Variants in SPOCK3 observed in about 807,000 individuals in gnomAD.
The protein encoded by SPOCK3 is testican-3.
In SPOCK3, 30 loss-of-function variants were observed where a neutral mutation model predicts 56.6. The ratio of observed to expected loss-of-function variants is 0.53; its 90% CI spans 0.40 to 0.72. SPOCK3 has a LOEUF of 0.72. Among genes scored for constraint, SPOCK3 ranks in the 30% least tolerant of loss-of-function variants. The pLI, the probability that SPOCK3 is intolerant of heterozygous loss-of-function variation, is 0.00. For synonymous variants in SPOCK3, 196 were observed against 183.3 expected (o/e 1.07, Z -0.56); for missense variants, 527 against 530.0 (o/e 0.99, Z 0.06).
At chr4:166,856,117 C>G (rs1020854025) in intron 6 of SPOCK3, among the ~76,000 whole-genome samples, 3 of 151,328 alleles carry the variant, frequency 2.0e-5, no homozygotes, top group African/African-American at 7.3e-5. Context: ...AAAAGCTGAA[C>G]TCACAGAAGT....
At chr4:167,234,883 T>C (rs1218541003), upstream of SPOCK3, 2 of 152,318 alleles carry the variant, frequency 1.3e-5, no homozygotes, top group African/African-American at 4.8e-5. Context: ...GTGTACTATC[T>C]CTCGCAGTTG....
At chr4:167,135,175 A>G (rs1246538265) in intron 2 of SPOCK3, among the ~76,000 whole-genome samples, 2 of 151,546 alleles carry the variant, frequency 1.3e-5, no homozygotes, top group African/African-American at 4.8e-5. Flanking sequence ...TGAACATAAT[A>G]TTATGTCTAG....
At chr4:166,865,011 G>A (rs1731654523) in intron 6 of SPOCK3, among the ~76,000 whole-genome samples, 2 of 152,136 alleles carry the variant, frequency 1.3e-5, no homozygotes, top group Admixed American at 1.3e-4. Flanking sequence ...TATCCCTGAT[G>A]AATATTGACG....
At chr4:166,899,024 G>A (rs1735714509) in intron 5 of SPOCK3, among the ~76,000 whole-genome samples, 1 of 151,890 alleles carries the variant, frequency 6.6e-6, no homozygotes, top group Non-Finnish European at 1.5e-5. Context: ...CTCTCTGCTT[G>A]AGACATCTAT....
Position 166,809,619 on chromosome 4 carries a change from C to A in SPOCK3, c.590-17330G>T, listed in dbSNP as rs181526369. Among the ~76,000 whole-genome samples, 464 of 152,122 alleles carry A rather than the reference C, an allele frequency of 3.1e-3. 3 individuals are homozygous for A. Among genetic ancestry groups the A allele is most frequent in the Non-Finnish European group, 4.3e-3 (292 of 67,962 alleles). On this transcript the variant is annotated intron_variant, in intron 6 of 10. Coordinates refer to ENST00000357545, the MANE Select transcript of SPOCK3 (RefSeq NM_001040159.2). The stretch of plus-strand genomic sequence containing the variant: ...CTGGGTTCAATTTAGACAAATTATT[C>A]TTTCAGGTTTTGTTTTTGCTTCATC...
chr4:166,986,057 A>G (rs892043372), intron 4 of SPOCK3, among the ~76,000 whole-genome samples: 15 of 152,310 alleles, frequency 9.8e-5, no homozygotes, highest in African/African-American at 3.6e-4. Flanking sequence ...TAAATTTTCC[A>G]AATCTACAAT....
chr4:166,762,060 C>T lies in SPOCK3; in HGVS notation c.710-7331G>A, dbSNP rs116636143. ...ACAAAGGTAAAAGAGGTATTTCTGG[C>T]ATTTTCATAAAAGTATTAAAGAATT... On this transcript the variant is annotated intron_variant, in intron 7 of 10. Transcript: ENST00000357545. 8.1e-3 allele frequency among the ~76,000 whole-genome samples: 1,132 copies of T among 139,636 alleles called. 5 individuals are homozygous for T. The highest frequency in any genetic ancestry group is 0.011 in the Middle Eastern group (3 of 276). The allele number at this position is 139,636 out of a possible 152,430, so 91.6% of individuals were successfully genotyped here.
chr4:166,863,002 A>C (rs1731399371), intron 6 of SPOCK3, among the ~76,000 whole-genome samples: 1 of 152,122 alleles, frequency 6.6e-6, no homozygotes, highest in Non-Finnish European at 1.5e-5. Context: ...TGTTAAGGGC[A>C]GCCAGAGAGA....
chr4:166,809,275 G>C (rs1743513911), intron 6 of SPOCK3, among the ~76,000 whole-genome samples: 1 of 151,518 alleles, frequency 6.6e-6, no homozygotes, highest in Non-Finnish European at 1.5e-5. Flanking sequence ...TTCTTATAAA[G>C]TGTCAGTGTG....
At chr4:167,061,827 T>C (rs562518245) in intron 3 of SPOCK3, among the ~76,000 whole-genome samples, 1 of 152,130 alleles carries the variant, frequency 6.6e-6, no homozygotes, top group African/African-American at 2.4e-5. Flanking sequence ...AAAAGTAAGA[T>C]ACTTTTTAAA....
At chr4:166,911,662 C>T (rs553191446) in intron 5 of SPOCK3, among the ~76,000 whole-genome samples, 2 of 152,122 alleles carry the variant, frequency 1.3e-5, no homozygotes, top group South Asian at 4.2e-4. Flanking sequence ...CTCAGCCTCC[C>T]GAGTAGCTGG....
chr4:167,131,600 C>A (rs1192543384), intron 2 of SPOCK3, among the ~76,000 whole-genome samples: 1 of 151,952 alleles, frequency 6.6e-6, no homozygotes, highest in African/African-American at 2.4e-5. Context: ...AAGACTCCGT[C>A]CCCCACAAAA....
rs546871295 is a variant in SPOCK3 at position 167,198,276 on chromosome 4, G to A, written c.189+35709C>T. On this transcript the variant is annotated intron_variant, in intron 2 of 10. Coordinates refer to ENST00000357545, the MANE Select transcript of SPOCK3 (RefSeq NM_001040159.2). ...AAAAAAATTAAAGTCTTTCTGTGGA[G>A]GTTCCTGTCACAACCCCCAAAGCCA... 2.0e-5 allele frequency among the ~76,000 whole-genome samples: 3 copies of A among 152,224 alleles called. No individual in the cohort carries two copies. The South Asian group carries it at 6.2e-4, about 32-fold the overall frequency.
intron 7 of SPOCK3, among the ~76,000 whole-genome samples, chr4:166,764,900 T>C (rs1014641824): frequency 6.6e-6 from 1 of 151,864 alleles, no homozygotes; most frequent in Non-Finnish European, 1.5e-5. Context: ...TGTGAGATGG[T>C]ATCTCATTGT....
chr4:167,008,484 TATA>T (rs1320362780), intron 3 of SPOCK3, among the ~76,000 whole-genome samples: 44 of 152,248 alleles, frequency 2.9e-4, no homozygotes, highest in African/African-American at 1.1e-3. Context: ...TTAGGGACCA[TATA>T]ATGATGTTAT....
chr4:167,191,412 C>A (rs926427449), intron 2 of SPOCK3, among the ~76,000 whole-genome samples: 1 of 145,502 alleles, frequency 6.9e-6, no homozygotes, highest in Non-Finnish European at 1.5e-5. Context: ...ATCTTCCAAT[C>A]TACGAATATA....
chr4:166,930,617 A>G (rs1739639959), intron 4 of SPOCK3, among the ~76,000 whole-genome samples: 1 of 152,208 alleles, frequency 6.6e-6, no homozygotes, highest in Admixed American at 6.5e-5. Flanking sequence ...ACTAAAAATA[A>G]ATTACTACAT....
intron 2 of SPOCK3, among the ~76,000 whole-genome samples, chr4:167,103,066 C>T (rs1420978816): frequency 6.6e-6 from 1 of 151,894 alleles, no homozygotes; most frequent in African/African-American, 2.4e-5. Context: ...CAGGTACTAG[C>T]TCCCAGATAA....
chr4:166,866,007 T>A (rs1464736473), intron 6 of SPOCK3, among the ~76,000 whole-genome samples: 5 of 152,102 alleles, frequency 3.3e-5, no homozygotes, highest in Non-Finnish European at 7.4e-5. Context: ...GCTGGAGGCA[T>A]CATTGCTACC....
Sources: allele counts gnomAD v4.1 joint callset (sites outside exome capture counted in the v4.1 genomes callset), GRCh38; gene constraint gnomAD v4.1.1; transcripts MANE v1.5; gene names NCBI Gene and HGNC (gene_info 2026-07-23, HGNC 2026-07-21).